ZMYM2: variants seen among roughly 807,000 people sequenced by gnomAD.
ZMYM2 encodes the protein zinc finger MYM-type protein 2.
Under a neutral mutation model 162.8 loss-of-function variants are expected in ZMYM2, and 56 were observed. The ratio of observed to expected loss-of-function variants is 0.34; its 90% confidence interval spans 0.28 to 0.43. ZMYM2 has a LOEUF of 0.43. ZMYM2 is among the 20% of genes least tolerant of loss of function. ZMYM2 has a pLI of 1.00. For missense variants in ZMYM2, 1,275 were observed against 1,621.8 expected, an observed-to-expected ratio of 0.79 and a Z score of 3.67; for synonymous variants, 510 against 541.6, an observed-to-expected ratio of 0.94 and a Z score of 0.81.
intron 2 of ZMYM2, among the ~76,000 whole-genome samples, chr13:19,980,541 C>G (rs1041942028): frequency 1.3e-5 from 2 of 151,974 alleles, no homozygotes; most frequent in African/African-American, 4.8e-5. Context: ...CACTTGAGGT[C>G]AGGAGTTGGA....
chr13:19,941,720 CT>C, the ZMYM2 span, among the ~76,000 whole-genome samples: 1,021 of 62,966 alleles, frequency 0.016, 8 homozygotes, highest in African/African-American at 0.062. Context: ...TGGCTTTCTG[CT>C]TTTTTTTTTT....
chr13:19,900,805 G>A, the ZMYM2 span, among the ~76,000 whole-genome samples: 1 of 151,990 alleles, frequency 6.6e-6, no homozygotes, highest in African/African-American at 2.4e-5. Context: ...AGGCCGAGGC[G>A]GGCAGATCAC....
the ZMYM2 span, among the ~76,000 whole-genome samples, chr13:19,939,964 G>C: frequency 6.6e-6 from 1 of 152,182 alleles, no homozygotes; most frequent in Non-Finnish European, 1.5e-5. Context: ...GGTTCTAGTT[G>C]TACCGATCTG....
chr13:20,061,345 TTGTAA>T, intron 17 of ZMYM2, 121 bp downstream of exon 17: 1 of 1,094,538 alleles, frequency 9.1e-7, no homozygotes, highest in South Asian at 2.0e-5. Flanking sequence ...GAGGAAAGCA[TTGTAA>T]CAAAAATGTT....
Position 20,068,535 on chromosome 13 carries a change from C to CCAAA in ZMYM2, c.3453+1149_3453+1152dup, listed in dbSNP as rs561571097. Among the ~76,000 whole-genome samples, 9 of 152,198 alleles carry CCAAA rather than the reference C, an allele frequency of 5.9e-5. No individual in the cohort carries two copies. In the East Asian group the frequency reaches 1.7e-3, roughly 29 times the overall value. On this transcript the variant is annotated intron_variant, in intron 21 of 24. Transcript: ENST00000610343. Reference sequence around the variant, plus strand: ...ACATGCCCTGTTTCCCCTGTAAAATCCAAACAATGATGAATTCCAAAACAT... The same window carrying CCAAA: ...ACATGCCCTGTTTCCCCTGTAAAATCCAAACAAACAATGATGAATTCCAAAACAT...
intron 7 of ZMYM2, chr13:20,025,466 G>A (rs1429087955): frequency 5.9e-6 from 1 of 170,118 alleles, no homozygotes; most frequent in African/African-American, 2.4e-5. Flanking sequence ...GAACTCCTGG[G>A]CTCAAGCAGT....
chr13:20,073,897 G>A (rs921214864), intron 21 of ZMYM2, among the ~76,000 whole-genome samples: 1 of 151,956 alleles, frequency 6.6e-6, no homozygotes, highest in African/African-American at 2.4e-5. Context: ...CATTTTTAAG[G>A]GTGCGGTGCA....
the ZMYM2 span, among the ~76,000 whole-genome samples, chr13:19,889,378 G>C: frequency 6.6e-6 from 1 of 151,926 alleles, no homozygotes; most frequent in African/African-American, 2.4e-5. Context: ...GAGCCCAATG[G>C]CGCAATCTTG....
chr13:19,975,113 T>G (rs560438521), intron 2 of ZMYM2, among the ~76,000 whole-genome samples: 13 of 152,104 alleles, frequency 8.5e-5, no homozygotes, highest in African/African-American at 3.1e-4. Flanking sequence ...TGACAAAAAT[T>G]TTCTTTTCAT....
At chr13:20,026,864 T>C (rs7981272) in intron 8 of ZMYM2, 102 bp downstream of exon 8, 1,022,605 of 1,241,444 alleles carry the variant, frequency 0.82, 432,656 homozygotes, top group Non-Finnish European at 0.87. Context: ...AACAGCTTTT[T>C]ATTTTATATT....
the ZMYM2 span, among the ~76,000 whole-genome samples, chr13:19,925,650 A>T: frequency 6.6e-6 from 1 of 151,876 alleles, no homozygotes; most frequent in Non-Finnish European, 1.5e-5. Context: ...AGGCGGGTGG[A>T]TCACTTGAGG....
the ZMYM2 span, among the ~76,000 whole-genome samples, chr13:19,880,580 C>A: frequency 6.6e-6 from 1 of 151,968 alleles, no homozygotes; most frequent in African/African-American, 2.4e-5. Context: ...AGGTGCATGC[C>A]GCCACGCCCG....
intron 12 of ZMYM2, among the ~76,000 whole-genome samples, chr13:20,046,811 A>C (rs950077643): frequency 6.6e-6 from 1 of 151,486 alleles, no homozygotes; most frequent in African/African-American, 2.4e-5. Context: ...CGTGTGTTCC[A>C]CCTTGCTATG....
chr13:20,019,672 C>G (rs764158477), intron 7 of ZMYM2, 54 bp downstream of exon 7: 26 of 1,452,486 alleles, frequency 1.8e-5, no homozygotes, highest in Non-Finnish European at 2.5e-5. Flanking sequence ...AGCACTGCTA[C>G]TACTGTCATT....
At chr13:19,946,903 G>T in the ZMYM2 span, among the ~76,000 whole-genome samples, 5 of 152,116 alleles carry the variant, frequency 3.3e-5, no homozygotes, top group Non-Finnish European at 7.4e-5. Context: ...ATCCCATCAA[G>T]TAATTAAAAA....
chr13:19,980,539 G>A (rs1346373390), intron 2 of ZMYM2, among the ~76,000 whole-genome samples: 2 of 151,920 alleles, frequency 1.3e-5, no homozygotes, highest in African/African-American at 4.8e-5. Context: ...ATCACTTGAG[G>A]TCAGGAGTTG....
intron 21 of ZMYM2, among the ~76,000 whole-genome samples, chr13:20,080,662 G>C (rs1406494842): frequency 6.6e-6 from 1 of 151,960 alleles, no homozygotes; most frequent in South Asian, 2.1e-4. Context: ...GCTAATTTTT[G>C]TATTTTTTGT....
intron 7 of ZMYM2, chr13:20,020,089 AAT>A (rs1004609618): frequency 2.6e-5 from 4 of 154,092 alleles, no homozygotes; most frequent in African/African-American, 9.6e-5. Flanking sequence ...AAGATAATGA[AAT>A]TTACATCAGT....
At chr13:19,913,361 T>C in the ZMYM2 span, among the ~76,000 whole-genome samples, 4 of 152,142 alleles carry the variant, frequency 2.6e-5, no homozygotes, top group African/African-American at 9.7e-5. Flanking sequence ...AGCCATAAAG[T>C]TGGGCGTGTA....
Sources: allele counts gnomAD v4.1 joint callset (sites outside exome capture counted in the v4.1 genomes callset), GRCh38; gene constraint gnomAD v4.1.1; transcripts MANE v1.5; gene names NCBI Gene and HGNC (gene_info 2026-07-23, HGNC 2026-07-21).